Variants in LRCH1 observed in about 807,000 individuals in gnomAD.
LRCH1 encodes the protein leucine rich repeats and calponin homology domain containing 1, also known as leucine-rich repeat and calponin homology domain-containing protein 1.
A neutral mutation model predicts 94.9 loss-of-function variants in LRCH1; 23 were observed. The ratio of observed to expected loss-of-function variants is 0.24; its 90% confidence interval spans 0.17 to 0.34. LRCH1 has a LOEUF of 0.34. LRCH1 is among the 10% of genes least tolerant of loss of function. The pLI, the probability that LRCH1 is intolerant of heterozygous loss-of-function variation, is 1.00. For missense variants in LRCH1, 790 were observed against 945.9 expected, an observed-to-expected ratio of 0.84 and a Z score of 2.16; for synonymous variants, 364 against 354.9, an observed-to-expected ratio of 1.03 and a Z score of -0.29.
chr13:46,740,733 G>A (rs921727031), intron 19 of LRCH1, among the ~76,000 whole-genome samples: 2 of 152,116 alleles, frequency 1.3e-5, no homozygotes, highest in Non-Finnish European at 2.9e-5. Context: ...ATTTTAAACT[G>A]TGGTCATTTC....
At chr13:46,734,095 CT>C (rs1399092719) in intron 19 of LRCH1, 97 bp downstream of exon 19, 2 of 535,544 alleles carry the variant, frequency 3.7e-6, no homozygotes, top group African/African-American at 2.0e-5. Context: ...TTTGTACATG[CT>C]TTTTTGTCTC....
intron 2 of LRCH1, among the ~76,000 whole-genome samples, chr13:46,665,485 A>G (rs976902096): frequency 1.3e-5 from 2 of 152,218 alleles, no homozygotes; most frequent in African/African-American, 4.8e-5. Context: ...GCCTTATTTC[A>G]TCTTGAAATG....
At chr13:46,555,893 A>T (rs2050059128) in intron 1 of LRCH1, among the ~76,000 whole-genome samples, 1 of 152,252 alleles carries the variant, frequency 6.6e-6, no homozygotes, top group Admixed American at 6.5e-5. Flanking sequence ...GATAAATTTA[A>T]TTGAGCACAG....
intron 19 of LRCH1, among the ~76,000 whole-genome samples, chr13:46,739,660 G>A (rs1334454374): frequency 3.9e-5 from 6 of 152,130 alleles, no homozygotes; most frequent in Admixed American, 3.3e-4. Context: ...GATGGCCACA[G>A]CAGCTCACAC....
intron 19 of LRCH1, among the ~76,000 whole-genome samples, chr13:46,738,858 A>G (rs973729614): frequency 6.6e-6 from 1 of 152,184 alleles, no homozygotes; most frequent in Non-Finnish European, 1.5e-5. Context: ...AGCTATTCCT[A>G]GCTTTCTCTA....
At chr13:46,608,494 A>G (rs1258375703) in intron 1 of LRCH1, among the ~76,000 whole-genome samples, 1 of 152,258 alleles carries the variant, frequency 6.6e-6, no homozygotes, top group Non-Finnish European at 1.5e-5. Flanking sequence ...AGAGTGTCAT[A>G]CAGTCTTTTA....
At chr13:46,580,426 G>A (rs2050351997) in intron 1 of LRCH1, among the ~76,000 whole-genome samples, 1 of 152,204 alleles carries the variant, frequency 6.6e-6, no homozygotes, top group African/African-American at 2.4e-5. Flanking sequence ...CCCAGCAGTT[G>A]AAACTACTGC....
chr13:46,587,674 G>C (rs1000655692), intron 1 of LRCH1, among the ~76,000 whole-genome samples: 2 of 152,168 alleles, frequency 1.3e-5, no homozygotes, highest in Non-Finnish European at 2.9e-5. Flanking sequence ...TGTTATTTCT[G>C]TTGTTGTATA....
chr13:46,555,993 T>C (rs1326931659), intron 1 of LRCH1, among the ~76,000 whole-genome samples: 2 of 152,256 alleles, frequency 1.3e-5, no homozygotes, highest in Admixed American at 6.5e-5. Flanking sequence ...GTAAGAGTTC[T>C]AGTACAGTTG....
At chr13:46,638,643 T>A (rs763061306) in intron 1 of LRCH1, among the ~76,000 whole-genome samples, 3 of 152,208 alleles carry the variant, frequency 2.0e-5, no homozygotes, top group Non-Finnish European at 4.4e-5. Flanking sequence ...AATATACTGA[T>A]ACATTTCCAT....
At chr13:46,738,699 G>T (rs1221301917) in intron 19 of LRCH1, among the ~76,000 whole-genome samples, 2 of 152,144 alleles carry the variant, frequency 1.3e-5, no homozygotes, top group Admixed American at 6.5e-5. Context: ...CTTATTACAA[G>T]ATTTATTTTA....
chr13:46,648,087 G>C (rs1315332473), intron 1 of LRCH1, among the ~76,000 whole-genome samples: 1 of 152,108 alleles, frequency 6.6e-6, no homozygotes, highest in Non-Finnish European at 1.5e-5. Context: ...AGAATCAATG[G>C]CAGCCCTGAC....
chr13:46,741,845 A>C lies in LRCH1; in HGVS notation c.2289A>C (p.Ala763=), dbSNP rs746453329. 9 of 1,613,980 alleles carry C rather than the reference A, an allele frequency of 5.6e-6. No individual in the cohort carries two copies. Among genetic ancestry groups the C allele is most frequent in the African/African-American group, 1.3e-5 (1 of 75,048 alleles). ...YITYHWNALS[A] ...CTTACCACTGGAATGCTCTGTCCGC[A>C]TAATGTCTGCACGTGCATCCAAACG... Residue 763 remains alanine (A), a synonymous_variant, in exon 20 of 20, where the codon GCA becomes GCC. Transcript: ENST00000389797.
At chr13:46,710,645 A>G (rs987883777) in intron 13 of LRCH1, among the ~76,000 whole-genome samples, 1 of 152,230 alleles carries the variant, frequency 6.6e-6, no homozygotes, top group Non-Finnish European at 1.5e-5. Flanking sequence ...GAATAGGGAT[A>G]TTTGTGACAT....
At chr13:46,718,087 G>A (rs774329596) in intron 16 of LRCH1, among the ~76,000 whole-genome samples, 3 of 152,122 alleles carry the variant, frequency 2.0e-5, no homozygotes, top group Non-Finnish European at 4.4e-5. Context: ...CTGCTCTTGT[G>A]TCCTCTTACT....
At chr13:46,557,662 G>A (rs2050080733) in intron 1 of LRCH1, among the ~76,000 whole-genome samples, 1 of 151,778 alleles carries the variant, frequency 6.6e-6, no homozygotes. Flanking sequence ...GACCAACATG[G>A]TAAAACCTCA....
intron 1 of LRCH1, among the ~76,000 whole-genome samples, chr13:46,561,482 T>C (rs1280133221): frequency 2.0e-5 from 3 of 152,238 alleles, no homozygotes; most frequent in African/African-American, 7.2e-5. Context: ...TGGCTTCTCA[T>C]GTGGACTTGC....
At chr13:46,650,442 G>T in intron 2 of LRCH1, 97 bp downstream of exon 2, 1 of 1,088,558 alleles carries the variant, frequency 9.2e-7, no homozygotes, top group Non-Finnish European at 1.3e-6. Context: ...TGCAATTCTT[G>T]ATTTTTCTTT....
At chr13:46,558,572 C>CAAA (rs575874794) in intron 1 of LRCH1, among the ~76,000 whole-genome samples, 469 of 34,380 alleles carry the variant, frequency 0.014, 64 homozygotes, top group East Asian at 0.074. Context: ...CCTGTGTCTA[C>CAAA]AAAAAAAAAA....
Sources: gnomAD v4.1 joint callset for allele counts (sites outside exome capture counted in the v4.1 genomes callset) on GRCh38, gnomAD v4.1.1 for gene constraint, MANE v1.5 for transcripts, NCBI Gene and HGNC (gene_info 2026-07-23, HGNC 2026-07-21) for gene names.